The following TFAP4 variants were observed in gnomAD, a reference collection of about 807,000 sequenced individuals.
The protein encoded by TFAP4 is activating enhancer-binding protein 4.
Under a neutral mutation model 40.4 loss-of-function variants are expected in TFAP4, and 7 were observed. The observed-to-expected ratio is 0.17, with a 90% CI of 0.10 to 0.33. TFAP4 has a LOEUF of 0.33. Ranked by LOEUF, TFAP4 falls within the 10% of genes least tolerant of loss-of-function variation. TFAP4 has a pLI of 1.00. For synonymous variants in TFAP4, 218 were observed against 181.4 expected (o/e 1.20, Z -1.62); for missense variants, 374 against 451.1 (o/e 0.83, Z 1.55).
At chr16:4,266,225 C>G (rs1051710409) in intron 1 of TFAP4, 15 of 152,314 alleles carry the variant, frequency 9.8e-5, no homozygotes, top group Non-Finnish European at 2.2e-4. Context: ...GTCGCCTCCT[C>G]CTCTGCATCA....
chr16:4,262,510 A>T (rs1466004876), intron 2 of TFAP4, 26 bp downstream of exon 2: 1 of 1,612,866 alleles, frequency 6.2e-7, no homozygotes, highest in Admixed American at 1.7e-5. Flanking sequence ...CGGCTCCTCC[A>T]GGAAGCCCTC....
chr16:4,268,606 T>G (rs1205001576), intron 1 of TFAP4, among the ~76,000 whole-genome samples: 1 of 152,118 alleles, frequency 6.6e-6, no homozygotes, highest in East Asian at 1.9e-4. Flanking sequence ...ATTTATTTAT[T>G]TAGAGGCAGG....
chr16:4,260,286 C>G (rs1375718755), intron 5 of TFAP4, 41 bp from the exon 6 acceptor site: 45 of 1,522,992 alleles, frequency 3.0e-5, no homozygotes, highest in Non-Finnish European at 3.8e-5. Flanking sequence ...CAAGGCTTCT[C>G]TTGGCCCATC....
At position 4,260,077 on chromosome 16, in the gene TFAP4, C is replaced by T; in HGVS notation, c.822+13G>A. 1.2e-6 allele frequency: 2 copies of T among 1,606,468 alleles called. No homozygotes were observed. Among genetic ancestry groups the T allele is most frequent in the Non-Finnish European group, 8.5e-7 (1 of 1,177,356 alleles). On this transcript the variant is annotated intron_variant, in intron 6 of 6. Coordinates refer to ENST00000204517, the MANE Select transcript of TFAP4 (RefSeq NM_003223.3). ...TGACCCCCACAAGCTGCCCCTTTCT[C>T]AAGCTCAGGTACCTGCACGATGGTG... is the stretch of plus-strand genomic sequence containing the variant.
Position 4,257,255 on chromosome 16 carries a change from C to T in TFAP4, c.*800G>A, listed in dbSNP as rs1344360273. On this transcript the variant is annotated 3_prime_UTR_variant, in exon 7 of 7. Transcript: ENST00000204517. ...CGGTGGCCTCTTGGTTTTTTTCTCC[C>T]CACTTTCTTAACAAAATATAATAGC... is the stretch of plus-strand genomic sequence containing the variant. 3 of 149,502 alleles carry T rather than the reference C, an allele frequency of 2.0e-5. No individual in the cohort carries two copies. The highest frequency in any genetic ancestry group is 4.4e-5 in the Non-Finnish European group (3 of 67,550). 9.3% of individuals were successfully genotyped at this position (149,502 alleles called of 1,614,324 possible). A position where few individuals can be genotyped will look rare whatever the true frequency, so the allele number is the denominator to read the frequency against.
rs2052899551 is a variant in TFAP4, at chr16:4,257,232, G to A, written c.*823C>T. Reference sequence around the variant, plus strand: ...TATTTTGTTTCTTTACAAAGGCACGGTGGCCTCTTGGTTTTTTTCTCCCCA... The same window carrying A: ...TATTTTGTTTCTTTACAAAGGCACGATGGCCTCTTGGTTTTTTTCTCCCCA... On this transcript the variant is annotated 3_prime_UTR_variant, in exon 7 of 7. Transcript: ENST00000204517. The A allele has an allele frequency of 6.6e-6, 1 of 150,964 alleles. No homozygotes were observed. The highest frequency in any genetic ancestry group is 1.5e-5 in the Non-Finnish European group (1 of 67,816). 9.4% of individuals were successfully genotyped at this position (150,964 alleles called of 1,614,324 possible).
chr16:4,272,797 G>A lies in TFAP4; in HGVS notation c.-51C>T, dbSNP rs753204825. 18 of 1,560,896 alleles carry A rather than the reference G, an allele frequency of 1.2e-5. No individual in the cohort carries two copies. In the South Asian group the frequency reaches 1.5e-4, roughly 13 times the overall value. On this transcript the variant is annotated 5_prime_UTR_variant, in exon 1 of 7. Transcript: ENST00000204517. The stretch of plus-strand genomic sequence containing the variant: ...GAGCCAGGTCCCGCGATCAGCCGGA[G>A]AATGCAAGATGGAAATCCGAATCAA...
chr16:4,258,364 G>A (rs1404012476), intron 6 of TFAP4, 115 bp from the exon 7 acceptor site: 3 of 1,052,052 alleles, frequency 2.9e-6, no homozygotes, highest in East Asian at 2.6e-5. Flanking sequence ...CCAGAAAAAA[G>A]CCTGGCAAAG....
chr16:4,260,229 G>GGGC lies in TFAP4; in HGVS notation c.682_683insGCC (p.Ala228delinsGlyPro). 1 of 1,170,520 alleles carries GGGC rather than the reference G, an allele frequency of 8.5e-7. No individual in the cohort carries two copies. The highest frequency in any genetic ancestry group is 1.2e-6 in the Non-Finnish European group (1 of 837,096). The allele number at this position is 1,170,520 out of a possible 1,614,324, so 72.5% of individuals were successfully genotyped here. ...GATCACCGTGGGGTGGTGGGTGGGGGCCGGAGGGGGCAGAAGCTGCAAGAC... is the reference window on the plus strand; with the variant it reads ...GATCACCGTGGGGTGGTGGGTGGGGGGGCCCGGAGGGGGCAGAAGCTGCAAGAC... On this transcript the variant is annotated protein_altering_variant, in exon 6 of 7. Transcript: ENST00000204517.
rs1428956344 is a variant in TFAP4, at chr16:4,257,857, C to G, written c.*198G>C. The G allele has an allele frequency of 1.3e-5, 8 of 596,278 alleles. No individual in the cohort carries two copies. In the East Asian group the frequency reaches 2.2e-4, roughly 16 times the overall value. The allele number at this position is 596,278 out of a possible 1,614,324, so 36.9% of individuals were successfully genotyped here. A position where few individuals can be genotyped will look rare whatever the true frequency, so the allele number is the denominator to read the frequency against. On this transcript the variant is annotated 3_prime_UTR_variant, in exon 7 of 7. Coordinates refer to ENST00000204517, the MANE Select transcript of TFAP4 (RefSeq NM_003223.3). ...GGTGCCGATGCTCCCACACGCTCTGCGACACCCCAGCCCCGGGACCTCGGG... is the reference window on the plus strand; with the variant it reads ...GGTGCCGATGCTCCCACACGCTCTGGGACACCCCAGCCCCGGGACCTCGGG...
At chr16:4,259,931 C>G (rs1284249255) in intron 6 of TFAP4, among the ~76,000 whole-genome samples, 159 bp downstream of exon 6, 2 of 152,264 alleles carry the variant, frequency 1.3e-5, no homozygotes, top group Non-Finnish European at 2.9e-5. Context: ...TCTCCACTTG[C>G]AGATCCAGGG....
intron 4 of TFAP4, among the ~76,000 whole-genome samples, chr16:4,260,894 T>A (rs251730): frequency 0.55 from 83,463 of 152,160 alleles, 23,235 homozygotes; most frequent in East Asian, 0.78. Flanking sequence ...TCCATGGAGA[T>A]GCCGTGGGGC....
intron 1 of TFAP4, among the ~76,000 whole-genome samples, chr16:4,271,854 G>A (rs897343471): frequency 2.6e-4 from 39 of 152,324 alleles, no homozygotes; most frequent in Admixed American, 2.2e-3. Context: ...CTTTGTGCAG[G>A]GAAAGCGTGG....
chr16:4,261,416 A>T (rs1013615644), intron 4 of TFAP4, among the ~76,000 whole-genome samples: 1 of 150,836 alleles, frequency 6.6e-6, no homozygotes, highest in African/African-American at 2.4e-5. Context: ...AACAGCGGGG[A>T]CTACAGGCAC....
At position 4,269,655 on chromosome 16, in the gene TFAP4, C is replaced by T. The variant is rs535622889; in HGVS notation, c.89+3003G>A. Among the ~76,000 whole-genome samples the T allele has an allele frequency of 1.7e-4, 25 of 148,530 alleles. No individual in the cohort carries two copies. In the East Asian group the frequency reaches 4.6e-3, roughly 27 times the overall value. ...TGAAACCCCGTCTGTACTAAAAATA[C>T]AAAAATTAGCCGGCCATGGTGGAGC... On this transcript the variant is annotated intron_variant, in intron 1 of 6. Transcript: ENST00000204517.
chr16:4,263,262 T>C (rs1051810221), intron 1 of TFAP4: 1 of 154,034 alleles, frequency 6.5e-6, no homozygotes, highest in African/African-American at 2.4e-5. Flanking sequence ...TGTCTGAGCA[T>C]CAAAACATCC....
intron 1 of TFAP4, among the ~76,000 whole-genome samples, chr16:4,267,679 T>C (rs1420201037): frequency 6.6e-6 from 1 of 152,136 alleles, no homozygotes; most frequent in Non-Finnish European, 1.5e-5. Context: ...ACTGAGAACT[T>C]TCATTTCACA....
intron 1 of TFAP4, chr16:4,266,927 T>A (rs2053002233): frequency 6.6e-6 from 1 of 152,344 alleles, no homozygotes; most frequent in Non-Finnish European, 1.5e-5. Context: ...AGTGGCACAA[T>A]CTTGGCTCAC....
At chr16:4,272,337 C>CG (rs1392280100) in intron 1 of TFAP4, among the ~76,000 whole-genome samples, 6 of 151,852 alleles carry the variant, frequency 4.0e-5, no homozygotes, top group Admixed American at 1.3e-4. Context: ...AGAGGAAGCG[C>CG]GGGGGGGAAG....
Sources: gnomAD v4.1 joint callset for allele counts (sites outside exome capture counted in the v4.1 genomes callset) on GRCh38, gnomAD v4.1.1 for gene constraint, MANE v1.5 for transcripts, NCBI Gene and HGNC (gene_info 2026-07-23, HGNC 2026-07-21) for gene names.